Variants in NPAS2 observed in about 807,000 individuals in gnomAD.
The protein encoded by NPAS2 is neuronal PAS domain protein 2.
In NPAS2, 23 loss-of-function variants were observed where a neutral mutation model predicts 107.5. The ratio of observed to expected loss-of-function variants is 0.21; its 90% CI spans 0.15 to 0.30. NPAS2 has a LOEUF of 0.30. Ranked by LOEUF, NPAS2 falls within the 10% of genes least tolerant of loss-of-function variation. The pLI, the probability that NPAS2 is intolerant of heterozygous loss-of-function variation, is 1.00. For synonymous variants in NPAS2, 403 were observed against 417.5 expected (o/e 0.97, Z 0.42); for missense variants, 756 against 1,043.3 (o/e 0.72, Z 3.79).
chr2:100,913,718 A>C (rs1434797483), intron 2 of NPAS2, among the ~76,000 whole-genome samples: 1 of 152,098 alleles, frequency 6.6e-6, no homozygotes, highest in African/African-American at 2.4e-5. Context: ...AATGGTTTTT[A>C]ATTTTTTCCC....
chr2:100,988,524 T>A, intron 17 of NPAS2: 1 of 512,080 alleles, frequency 2.0e-6, no homozygotes, highest in Non-Finnish European at 3.5e-6. Context: ...GCTCTCGTGC[T>A]TAAAGATATC....
In NPAS2 at chr2:100,931,214, C is replaced by A. The variant is rs3768983; in HGVS notation, c.182-1696C>A. Among the ~76,000 whole-genome samples the A allele has an allele frequency of 1.6e-3, 249 of 152,318 alleles. 2 individuals are homozygous for A. The South Asian group carries it at 0.019, about 12-fold the overall frequency. On this transcript the variant is annotated intron_variant, in intron 3 of 20. Transcript: ENST00000335681. ...CTCCCTCCAGGGGCCCTCTCAGTGTCGTTGGCTGCCTGACCATCAGCACGG... is the reference window on the plus strand; with the variant it reads ...CTCCCTCCAGGGGCCCTCTCAGTGTAGTTGGCTGCCTGACCATCAGCACGG...
At chr2:100,836,773 A>G (rs1197765056) in intron 1 of NPAS2, among the ~76,000 whole-genome samples, 11 of 152,152 alleles carry the variant, frequency 7.2e-5, no homozygotes, top group Admixed American at 7.2e-4. Flanking sequence ...CCCGGGCCAC[A>G]TGTATAATGT....
chr2:100,978,396 T>C (rs17025130), intron 15 of NPAS2, among the ~76,000 whole-genome samples: 3,592 of 152,256 alleles, frequency 0.024, 155 homozygotes, highest in African/African-American at 0.081. Context: ...CACATTCCTC[T>C]TGTTCTTTAC....
At chr2:100,932,836 A>G in intron 3 of NPAS2, 74 bp from the exon 4 acceptor site, 3 of 1,005,560 alleles carry the variant, frequency 3.0e-6, no homozygotes, top group Admixed American at 3.5e-5. Context: ...CATAGAAGTA[A>G]CATGTGCTTC....
intron 7 of NPAS2, 23 bp downstream of exon 7, chr2:100,949,503 T>C (rs200309531): frequency 1.6e-4 from 215 of 1,328,592 alleles, no homozygotes; most frequent in Non-Finnish European, 2.3e-4. Flanking sequence ...TGTCATATAA[T>C]TGTGACAGTG....
chr2:100,956,319 C>T (rs1675564462), intron 7 of NPAS2, among the ~76,000 whole-genome samples: 1 of 152,176 alleles, frequency 6.6e-6, no homozygotes, highest in South Asian at 2.1e-4. Context: ...GAGCACAGCA[C>T]CTGACAGGCA....
At chr2:100,823,965 C>T (rs1301340128) in intron 1 of NPAS2, among the ~76,000 whole-genome samples, 1 of 152,132 alleles carries the variant, frequency 6.6e-6, no homozygotes, top group Admixed American at 6.5e-5. Context: ...GGTAGCCTCC[C>T]AGCTCAGCTA....
At chr2:100,932,236 A>G (rs1362409249) in intron 3 of NPAS2, among the ~76,000 whole-genome samples, 1 of 152,246 alleles carries the variant, frequency 6.6e-6, no homozygotes, top group Non-Finnish European at 1.5e-5. Flanking sequence ...CAGAAGAACT[A>G]AAATATTTAA....
intron 1 of NPAS2, among the ~76,000 whole-genome samples, chr2:100,887,109 A>C (rs761753383): frequency 6.6e-6 from 1 of 152,120 alleles, no homozygotes; most frequent in Non-Finnish European, 1.5e-5. Flanking sequence ...CTGTCCTCTT[A>C]TGAGCCCTAG....
chr2:100,958,598 A>G (rs1336535425), intron 7 of NPAS2, among the ~76,000 whole-genome samples: 1 of 152,190 alleles, frequency 6.6e-6, no homozygotes, highest in Non-Finnish European at 1.5e-5. Flanking sequence ...CAGGAGCGTC[A>G]TCCTGCACAG....
rs1379481261 is a variant in NPAS2 at position 100,965,944 on chromosome 2, A to AC, written c.907+183dup. On this transcript the variant is annotated intron_variant, in intron 10 of 20. Transcript: ENST00000335681. This position sits in a 1 kb window ranked among gnomAD's most constrained non-coding sequence, Gnocchi z 4.3. ...TGGTGGAGGCCCCTTATCCGCGTCT[A>AC]CCCCCATGTCACTGGAATTCACTTG... is the stretch of plus-strand genomic sequence containing the variant. 1.3e-5 allele frequency among the ~76,000 whole-genome samples: 2 copies of AC among 151,746 alleles called. No individual in the cohort carries two copies. Among genetic ancestry groups the AC allele is most frequent in the African/African-American group, 2.4e-5 (1 of 41,276 alleles).
intron 1 of NPAS2, among the ~76,000 whole-genome samples, chr2:100,857,298 C>CAAAAAA (rs11312399): frequency 1.1e-5 from 1 of 87,904 alleles, no homozygotes; most frequent in Non-Finnish European, 2.6e-5. Flanking sequence ...AACTCCTTCT[C>CAAAAAA]AAAAAAAAAA....
At chr2:100,873,465 C>T (rs1005400783) in intron 1 of NPAS2, among the ~76,000 whole-genome samples, 1 of 150,772 alleles carries the variant, frequency 6.6e-6, no homozygotes, top group South Asian at 2.1e-4. Flanking sequence ...TACAACAATA[C>T]TGAATCTCAC....
chr2:100,855,120 A>G (rs1389594182), intron 1 of NPAS2, among the ~76,000 whole-genome samples: 1 of 152,244 alleles, frequency 6.6e-6, no homozygotes, highest in African/African-American at 2.4e-5. Context: ...GAAATTACAT[A>G]TGTGACTCAT....
intron 15 of NPAS2, among the ~76,000 whole-genome samples, chr2:100,979,139 G>A (rs916062754): frequency 6.6e-6 from 1 of 152,090 alleles, no homozygotes; most frequent in Non-Finnish European, 1.5e-5. Context: ...ACATGCTAAC[G>A]CGTGCTGCTT....
chr2:100,903,467 G>T (rs894549860), intron 1 of NPAS2, among the ~76,000 whole-genome samples: 2 of 152,202 alleles, frequency 1.3e-5, no homozygotes, highest in African/African-American at 4.8e-5. Context: ...CTTTGCTTTG[G>T]CTCAGACCCA....
chr2:100,960,491 G>A (rs1367685436), intron 7 of NPAS2, among the ~76,000 whole-genome samples: 3 of 151,718 alleles, frequency 2.0e-5, no homozygotes, highest in Non-Finnish European at 2.9e-5. Context: ...CTGCATCTCC[G>A]CAAGCAGAAG....
intron 11 of NPAS2, among the ~76,000 whole-genome samples, chr2:100,969,214 G>A (rs1054464834): frequency 2.7e-5 from 4 of 150,876 alleles, no homozygotes; most frequent in African/African-American, 4.9e-5. Flanking sequence ...TCTGGGATTC[G>A]TGTACAGAAT....
Sources: allele counts gnomAD v4.1 joint callset (sites outside exome capture counted in the v4.1 genomes callset), GRCh38; gene constraint gnomAD v4.1.1; non-coding constraint Gnocchi (gnomAD v3.1); transcripts MANE v1.5; gene names NCBI Gene and HGNC (gene_info 2026-07-23, HGNC 2026-07-21).